DPY19L1: variants seen among roughly 807,000 people sequenced by gnomAD.
The protein encoded by DPY19L1 is protein C-mannosyl-transferase DPY19L1.
In DPY19L1, 35 loss-of-function variants were observed where a neutral mutation model predicts 96.9. The ratio of observed to expected loss-of-function variants is 0.36; its 90% CI spans 0.28 to 0.48. The LOEUF (loss-of-function observed/expected upper bound fraction) is 0.48. Ranked by LOEUF, DPY19L1 falls within the 20% of genes least tolerant of loss-of-function variation. The pLI, the probability that DPY19L1 is intolerant of heterozygous loss-of-function variation, is 0.99. For synonymous variants in DPY19L1, 205 were observed against 252.6 expected, an observed-to-expected ratio of 0.81 and a Z score of 1.79; for missense variants, 521 against 777.9, an observed-to-expected ratio of 0.67 and a Z score of 3.93.
chr7:34,998,522 AG>A (rs1187174087), intron 6 of DPY19L1, among the ~76,000 whole-genome samples: 1 of 152,168 alleles, frequency 6.6e-6, no homozygotes, highest in African/African-American at 2.4e-5. Flanking sequence ...ACCAGGGGTG[AG>A]GGGGAGGAGT....
chr7:34,979,894 G>C (rs1273812137), intron 7 of DPY19L1, among the ~76,000 whole-genome samples: 2 of 152,014 alleles, frequency 1.3e-5, no homozygotes, highest in African/African-American at 4.8e-5. Flanking sequence ...TTGAAAGAGA[G>C]GGAAGTAGTG....
At chr7:34,950,300 G>A (rs1482391700) in intron 13 of DPY19L1, among the ~76,000 whole-genome samples, 2 of 152,136 alleles carry the variant, frequency 1.3e-5, no homozygotes, top group African/African-American at 2.4e-5. Flanking sequence ...AAAGAAATAC[G>A]AATTCTGAAA....
intron 7 of DPY19L1, among the ~76,000 whole-genome samples, chr7:34,980,668 C>T (rs328900): frequency 0.27 from 40,604 of 151,844 alleles, 5,604 homozygotes; most frequent in Non-Finnish European, 0.31. Flanking sequence ...TATCTAAATC[C>T]GATAAGCCAT....
chr7:34,971,318 C>T (rs1390060652), intron 8 of DPY19L1, among the ~76,000 whole-genome samples: 1 of 152,086 alleles, frequency 6.6e-6, no homozygotes, highest in Non-Finnish European at 1.5e-5. Flanking sequence ...GCAGGTTTTC[C>T]CTCCTAAAAA....
At chr7:34,994,838 C>A (rs1415590759) in intron 6 of DPY19L1, among the ~76,000 whole-genome samples, 5 of 151,886 alleles carry the variant, frequency 3.3e-5, no homozygotes, top group Non-Finnish European at 5.9e-5. Flanking sequence ...CCGACCAAAT[C>A]TCAGGATGAG....
chr7:34,950,632 T>C (rs1784249665), intron 13 of DPY19L1, among the ~76,000 whole-genome samples: 1 of 152,282 alleles, frequency 6.6e-6, no homozygotes, highest in African/African-American at 2.4e-5. Context: ...GATATCTACA[T>C]GAAGCAGAAG....
intron 1 of DPY19L1, among the ~76,000 whole-genome samples, chr7:35,031,919 C>A (rs1786269230): frequency 6.6e-6 from 1 of 152,166 alleles, no homozygotes; most frequent in Non-Finnish European, 1.5e-5. Context: ...GGCATAACCT[C>A]TATGAATTAA....
chr7:35,023,190 G>A (rs533991461), intron 1 of DPY19L1, among the ~76,000 whole-genome samples: 73 of 152,190 alleles, frequency 4.8e-4, no homozygotes, highest in Non-Finnish European at 8.8e-4. Context: ...CCAGCACCCG[G>A]GCCCCCACCT....
chr7:35,025,730 C>G (rs1457819996), intron 1 of DPY19L1, among the ~76,000 whole-genome samples: 1 of 152,188 alleles, frequency 6.6e-6, no homozygotes, highest in Non-Finnish European at 1.5e-5. Context: ...TTTCAGCACT[C>G]CAAGAACAGC....
chr7:35,007,280 T>G (rs184065508), intron 6 of DPY19L1, among the ~76,000 whole-genome samples: 1 of 152,310 alleles, frequency 6.6e-6, no homozygotes, highest in East Asian at 1.9e-4. Context: ...GGTTCCGGGT[T>G]AAGAAAAAGC....
At chr7:34,971,385 A>C (rs1029906389) in intron 8 of DPY19L1, among the ~76,000 whole-genome samples, 6 of 152,188 alleles carry the variant, frequency 3.9e-5, no homozygotes, top group African/African-American at 1.4e-4. Context: ...AACCAGTCAT[A>C]GATAGCCACA....
chr7:35,018,724 A>C (rs951102625), intron 1 of DPY19L1, 128 bp from the exon 2 acceptor site: 3 of 781,964 alleles, frequency 3.8e-6, no homozygotes, highest in Non-Finnish European at 6.2e-6. Context: ...TCTTCAAAAA[A>C]GTCCCAGGGC....
At chr7:34,982,210 G>A (rs1784953752) in intron 7 of DPY19L1, among the ~76,000 whole-genome samples, 1 of 152,132 alleles carries the variant, frequency 6.6e-6, no homozygotes, top group African/African-American at 2.4e-5. Context: ...CTATGAAAAT[G>A]AGAATATGGG....
At position 34,929,586 on chromosome 7, in the gene DPY19L1, A is replaced by AT. The variant is rs1473283019; in HGVS notation, c.*1986dup. The AT allele has an allele frequency of 6.6e-6, 1 of 152,198 alleles. No homozygotes were observed. Among genetic ancestry groups the AT allele is most frequent in the Non-Finnish European group, 1.5e-5 (1 of 68,036 alleles). 9.4% of individuals were successfully genotyped at this position (152,198 alleles called of 1,614,324 possible). A position where few individuals can be genotyped will look rare whatever the true frequency, so the allele number is the denominator to read the frequency against. ...AATATAAAATAAATGTAAAAGTATA[A>AT]TTTTTAAAAATTGTAACTGCTGGAT... On this transcript the variant is annotated 3_prime_UTR_variant, in exon 22 of 22. Transcript: ENST00000638088.
chr7:35,030,080 T>G (rs1786224265), intron 1 of DPY19L1, among the ~76,000 whole-genome samples: 1 of 152,120 alleles, frequency 6.6e-6, no homozygotes, highest in Non-Finnish European at 1.5e-5. Flanking sequence ...AGGTCTCATT[T>G]TCAAAAAACA....
chr7:34,989,440 T>C (rs1392400678), intron 7 of DPY19L1, among the ~76,000 whole-genome samples: 1 of 151,906 alleles, frequency 6.6e-6, no homozygotes, highest in Non-Finnish European at 1.5e-5. Flanking sequence ...CATAGAAAGA[T>C]TCCATCTCTA....
At chr7:35,037,530 C>G (rs1049885347), upstream of DPY19L1, 10 of 314,092 alleles carry the variant, frequency 3.2e-5, no homozygotes, top group African/African-American at 2.2e-4. Context: ...CGTCCCTCCC[C>G]GCGGGCCGGG....
At chr7:35,015,204 C>T (rs1705015658) in intron 3 of DPY19L1, among the ~76,000 whole-genome samples, 1 of 152,090 alleles carries the variant, frequency 6.6e-6, no homozygotes, top group Admixed American at 6.5e-5. Flanking sequence ...ATTTAAAAAT[C>T]CCTAAATATC....
At chr7:34,934,445 A>AT (rs1783823034) in intron 21 of DPY19L1, among the ~76,000 whole-genome samples, 3 of 152,208 alleles carry the variant, frequency 2.0e-5, no homozygotes, top group Middle Eastern at 3.2e-3. Flanking sequence ...CATATGTACT[A>AT]TTTAACCAAT....
Sources: allele counts gnomAD v4.1 joint callset (sites outside exome capture counted in the v4.1 genomes callset), GRCh38; gene constraint gnomAD v4.1.1; transcripts MANE v1.5; gene names NCBI Gene and HGNC (gene_info 2026-07-23, HGNC 2026-07-21).